GPC6: variants seen among roughly 807,000 people sequenced by gnomAD.
GPC6 encodes glypican 6, also known as glypican-6.
In GPC6, 14 loss-of-function variants were observed where a neutral mutation model predicts 55.2. That is an observed-to-expected ratio of 0.25 (90% CI 0.17 to 0.40). GPC6 has a LOEUF of 0.40. Ranked by LOEUF, GPC6 falls within the 10% of genes least tolerant of loss-of-function variation. The pLI is 1.00. For synonymous variants in GPC6, 278 were observed against 259.6 expected (o/e 1.07, Z -0.68); for missense variants, 641 against 708.5 (o/e 0.90, Z 1.08).
rs1405959821 is a variant in GPC6, at chr13:93,948,727, T to C, written c.712-79002T>C. 2.6e-5 allele frequency among the ~76,000 whole-genome samples: 4 copies of C among 152,140 alleles called. No homozygotes were observed. In the East Asian group the frequency reaches 7.7e-4, roughly 29 times the overall value. On this transcript the variant is annotated intron_variant, in intron 3 of 8. Transcript: ENST00000377047. ...AGAGTGTGTGAGGCAATAAATGTCA[T>C]CCCCAACTCAGATAAACACTAAAAT...
chr13:93,573,496 T>C (rs1213431937), intron 2 of GPC6, among the ~76,000 whole-genome samples: 1 of 152,096 alleles, frequency 6.6e-6, no homozygotes, highest in Non-Finnish European at 1.5e-5. Context: ...AAGTTTAAAT[T>C]TTATTTTAAT....
At chr13:93,711,648 AC>A (rs1306329185) in intron 2 of GPC6, among the ~76,000 whole-genome samples, 7 of 151,608 alleles carry the variant, frequency 4.6e-5, no homozygotes, top group Middle Eastern at 3.4e-3. Flanking sequence ...ACTCTAATAC[AC>A]CTTTTATTCT....
At chr13:94,156,485 T>C (rs1357225864) in intron 4 of GPC6, among the ~76,000 whole-genome samples, 4 of 152,272 alleles carry the variant, frequency 2.6e-5, no homozygotes, top group East Asian at 1.9e-4. Flanking sequence ...GGTACACCTA[T>C]AGAGTGAGAA....
intron 3 of GPC6, among the ~76,000 whole-genome samples, chr13:93,972,625 T>A (rs996606837): frequency 6.6e-6 from 1 of 152,170 alleles, no homozygotes; most frequent in Non-Finnish European, 1.5e-5. Flanking sequence ...CTTCTACTTT[T>A]TGAAGCTACT....
intron 6 of GPC6, among the ~76,000 whole-genome samples, chr13:94,381,176 G>C (rs1232156494): frequency 6.6e-6 from 1 of 152,136 alleles, no homozygotes; most frequent in African/African-American, 2.4e-5. Context: ...TAGGTACTTT[G>C]AGATTCTGTA....
intron 2 of GPC6, among the ~76,000 whole-genome samples, chr13:93,636,728 T>G (rs1458563763): frequency 6.6e-6 from 1 of 152,162 alleles, no homozygotes; most frequent in African/African-American, 2.4e-5. Flanking sequence ...AAACATTAAC[T>G]CAGGGCAGTC....
intron 3 of GPC6, among the ~76,000 whole-genome samples, chr13:94,010,144 A>G (rs1188488130): frequency 6.6e-6 from 1 of 152,210 alleles, no homozygotes; most frequent in Non-Finnish European, 1.5e-5. Context: ...ATTCAAGTAC[A>G]TTATGCTAAC....
chr13:93,974,255 T>C (rs1044544410), intron 3 of GPC6, among the ~76,000 whole-genome samples: 10 of 152,208 alleles, frequency 6.6e-5, no homozygotes, highest in Admixed American at 1.3e-4. Context: ...GTTAGTTTCA[T>C]TAACATTTAT....
At chr13:94,305,393 G>C (rs1875888625) in intron 5 of GPC6, among the ~76,000 whole-genome samples, 1 of 152,162 alleles carries the variant, frequency 6.6e-6, no homozygotes, top group Non-Finnish European at 1.5e-5. Flanking sequence ...CTTGAAGTTT[G>C]TCTAACATAC....
intron 1 of GPC6, among the ~76,000 whole-genome samples, chr13:93,302,907 T>G (rs1256182230): frequency 6.6e-6 from 1 of 152,194 alleles, no homozygotes; most frequent in Non-Finnish European, 1.5e-5. Flanking sequence ...GTCACCTCAC[T>G]TCTACTTAGG....
chr13:93,516,839 GAAT>G (rs2139393389), intron 1 of GPC6, among the ~76,000 whole-genome samples: 1 of 152,222 alleles, frequency 6.6e-6, no homozygotes, highest in East Asian at 1.9e-4. Flanking sequence ...TCCAGCTTTT[GAAT>G]TGGGTGGATA....
chr13:94,143,127 ATGGC>A (rs151111343), intron 4 of GPC6, among the ~76,000 whole-genome samples: 27,383 of 151,132 alleles, frequency 0.18, 2,784 homozygotes, highest in Non-Finnish European at 0.23. Context: ...GCCCAGCCAG[ATGGC>A]TGGCTACCTT....
In GPC6 at chr13:94,369,260, T is replaced by A. The variant is rs138693920; in HGVS notation, c.1153-13154T>A. 1.9e-3 allele frequency among the ~76,000 whole-genome samples: 294 copies of A among 152,240 alleles called. 1 individual carries two copies. Among genetic ancestry groups the A allele is most frequent in the African/African-American group, 4.9e-3 (203 of 41,542 alleles). ...TATTGGGCCAGATGCACACAACAGG[T>A]AGCCAGTGAGGTGGATTTGCGTCCA... On this transcript the variant is annotated intron_variant, in intron 6 of 8. Coordinates refer to ENST00000377047, the MANE Select transcript of GPC6 (RefSeq NM_005708.5).
intron 4 of GPC6, among the ~76,000 whole-genome samples, chr13:94,168,963 G>A (rs1888465927): frequency 6.6e-6 from 1 of 152,098 alleles, no homozygotes; most frequent in Non-Finnish European, 1.5e-5. Flanking sequence ...CCCTCCGTGG[G>A]CGTGGGGATA....
chr13:93,752,456 A>G (rs1884630342), intron 2 of GPC6, among the ~76,000 whole-genome samples: 1 of 150,952 alleles, frequency 6.6e-6, no homozygotes, highest in Admixed American at 6.6e-5. Flanking sequence ...AAAAAAAAAG[A>G]AAAAAAAAGA....
At chr13:93,338,140 C>G (rs1880110982) in intron 1 of GPC6, among the ~76,000 whole-genome samples, 1 of 152,062 alleles carries the variant, frequency 6.6e-6, no homozygotes, top group East Asian at 1.9e-4. Context: ...TCTTCTATAC[C>G]TATAAATCAG....
chr13:93,832,502 G>A (rs1485100180), intron 3 of GPC6, among the ~76,000 whole-genome samples: 1 of 152,096 alleles, frequency 6.6e-6, no homozygotes, highest in African/African-American at 2.4e-5. Flanking sequence ...GCCTGATTAT[G>A]TGTATTTATT....
chr13:93,217,046 G>GA, the GPC6 span, among the ~76,000 whole-genome samples: 2,856 of 149,400 alleles, frequency 0.019, 79 homozygotes, highest in African/African-American at 0.066. Context: ...CGCAAAAATG[G>GA]AAAAAAAAAA....
In GPC6 at chr13:94,356,505, G is replaced by A. The variant is rs572324361; in HGVS notation, c.1153-25909G>A. 1.6e-3 allele frequency among the ~76,000 whole-genome samples: 240 copies of A among 152,292 alleles called. 1 individual carries two copies. Among genetic ancestry groups the A allele is most frequent in the Admixed American group, 3.5e-3 (53 of 15,304 alleles). On this transcript the variant is annotated intron_variant, in intron 6 of 8. Coordinates refer to ENST00000377047, the MANE Select transcript of GPC6 (RefSeq NM_005708.5). The stretch of plus-strand genomic sequence containing the variant: ...TACTTCATCCCTGGTACCTAGGAGA[G>A]TACCTGAAAAAGAGTAGATGTTTGA...
Sources: allele counts gnomAD v4.1 joint callset (sites outside exome capture counted in the v4.1 genomes callset), GRCh38; gene constraint gnomAD v4.1.1; transcripts MANE v1.5; gene names NCBI Gene and HGNC (gene_info 2026-07-23, HGNC 2026-07-21).